Variants in PIGN observed in about 807,000 individuals in gnomAD.
The protein encoded by PIGN is GPI ethanolamine phosphate transferase 1.
A neutral mutation model predicts 125.4 loss-of-function variants in PIGN; 117 were observed. The observed-to-expected ratio is 0.93, with a 90% CI of 0.80 to 1.09. The LOEUF is 1.09. PIGN is among the 50% of genes least tolerant of loss of function. PIGN has a pLI of 0.00. For missense variants in PIGN, 1,075 were observed against 1,094.9 expected, an observed-to-expected ratio of 0.98 and a Z score of 0.26; for synonymous variants, 392 against 377.8, an observed-to-expected ratio of 1.04 and a Z score of -0.44.
In PIGN at chr18:62,154,543, A is replaced by T; in HGVS notation, c.549+2T>A. On this transcript the variant is annotated splice_donor_variant, in intron 7 of 30. Transcript: ENST00000640252. LOFTEE classifies it high-confidence loss of function. ...GTATATTAACCACTCAATAGCACAA[A>T]CCTTAACATTATCAAAAACCCACGT... is the stretch of plus-strand genomic sequence containing the variant. The T allele has an allele frequency of 7.2e-7, 1 of 1,397,506 alleles. No homozygotes were observed. Among genetic ancestry groups the T allele is most frequent in the Non-Finnish European group, 1.0e-6 (1 of 984,940 alleles). The allele number at this position is 1,397,506 out of a possible 1,614,324, so 86.6% of individuals were successfully genotyped here. A position where few individuals can be genotyped will look rare whatever the true frequency, so the allele number is the denominator to read the frequency against.
chr18:62,182,098 C>T (rs2037738101), intron 1 of PIGN, among the ~76,000 whole-genome samples: 1 of 152,164 alleles, frequency 6.6e-6, no homozygotes, highest in Non-Finnish European at 1.5e-5. Flanking sequence ...TCACCTACAC[C>T]TCTGACCAAT....
chr18:62,145,718 G>T (rs987347664), intron 10 of PIGN, among the ~76,000 whole-genome samples, 191 bp downstream of exon 10: 3 of 152,126 alleles, frequency 2.0e-5, no homozygotes, highest in Non-Finnish European at 4.4e-5. Flanking sequence ...TGCTGGGAAG[G>T]GTTCAACAAA....
chr18:62,053,691 T>A (rs1227774451), intron 30 of PIGN, among the ~76,000 whole-genome samples: 1 of 152,194 alleles, frequency 6.6e-6, no homozygotes, highest in Non-Finnish European at 1.5e-5. Context: ...TCTCAAAAAT[T>A]GATAGAACAA....
chr18:62,185,658 T>A (rs1280045602), intron 1 of PIGN, among the ~76,000 whole-genome samples: 2 of 28,792 alleles, frequency 6.9e-5, no homozygotes, highest in Non-Finnish European at 2.0e-4. Flanking sequence ...ATGTAATATG[T>A]CACTTACCTG....
chr18:62,133,317 T>C (rs907686629), intron 14 of PIGN, among the ~76,000 whole-genome samples: 3 of 152,190 alleles, frequency 2.0e-5, no homozygotes, highest in Non-Finnish European at 2.9e-5. Context: ...TATCTCTTTA[T>C]GTACTCACGA....
At position 62,157,516 on chromosome 18, in the gene PIGN, T is replaced by C. The variant is rs17715836; in HGVS notation, c.343+171A>G. ...AACACAGGATAATGAAATACTAAAG[T>C]TTCAATTCTGGAGTCAGTACCAGTG... On this transcript the variant is annotated intron_variant, in intron 5 of 30. Coordinates refer to ENST00000640252, the MANE Select transcript of PIGN (RefSeq NM_176787.5). Among the ~76,000 whole-genome samples the C allele has an allele frequency of 0.16, 25,011 of 152,164 alleles. 2,744 individuals carry two copies. Among genetic ancestry groups the C allele is most frequent in the Middle Eastern group, 0.29 (84 of 294 alleles).
chr18:62,054,834 C>T (rs73448666), intron 30 of PIGN, among the ~76,000 whole-genome samples: 250 of 152,012 alleles, frequency 1.6e-3, no homozygotes, highest in African/African-American at 4.7e-3. Context: ...AATAAATTCT[C>T]AAAACTCAAC....
chr18:62,089,460 G>A (rs1308989410), intron 24 of PIGN, among the ~76,000 whole-genome samples: 3 of 152,046 alleles, frequency 2.0e-5, no homozygotes, highest in African/African-American at 7.2e-5. Context: ...TTTCTAGTAA[G>A]TTCTTGGGAT....
At chr18:62,177,146 A>G (rs888075441) in intron 1 of PIGN, among the ~76,000 whole-genome samples, 2 of 152,128 alleles carry the variant, frequency 1.3e-5, no homozygotes, top group African/African-American at 4.8e-5. Flanking sequence ...AACCATATTA[A>G]AAAGCTTATG....
At chr18:62,147,603 T>C (rs2036380721) in intron 8 of PIGN, among the ~76,000 whole-genome samples, 1 of 152,228 alleles carries the variant, frequency 6.6e-6, no homozygotes, top group Non-Finnish European at 1.5e-5. Flanking sequence ...AAGAAGGGGA[T>C]TGTGAGGTAT....
At chr18:62,163,344 C>T (rs1481264531) in intron 2 of PIGN, among the ~76,000 whole-genome samples, 187 bp downstream of exon 2, 1 of 152,120 alleles carries the variant, frequency 6.6e-6, no homozygotes, top group African/African-American at 2.4e-5. Context: ...ACCTTTATTA[C>T]GTTATTTTCA....
chr18:62,177,343 A>G (rs1027982699), intron 1 of PIGN, among the ~76,000 whole-genome samples: 1 of 152,136 alleles, frequency 6.6e-6, no homozygotes, highest in African/African-American at 2.4e-5. Flanking sequence ...GCTAAGCTCC[A>G]GTATTTCTAT....
chr18:62,088,206 A>C (rs2033797267), intron 25 of PIGN, among the ~76,000 whole-genome samples: 1 of 152,198 alleles, frequency 6.6e-6, no homozygotes, highest in South Asian at 2.1e-4. Context: ...AAGGAAATAC[A>C]TCCCTATGAT....
intron 28 of PIGN, among the ~76,000 whole-genome samples, chr18:62,081,203 A>G (rs2033433420): frequency 6.6e-6 from 1 of 152,160 alleles, no homozygotes; most frequent in Admixed American, 6.5e-5. Flanking sequence ...GGCTTCCAAC[A>G]GTTGTAAGAA....
chr18:62,114,774 C>A, intron 14 of PIGN, 135 bp from the exon 15 acceptor site: 1 of 489,200 alleles, frequency 2.0e-6, no homozygotes, highest in Non-Finnish European at 3.6e-6. Flanking sequence ...AGAAAAAAAC[C>A]TGAATTGCTG....
chr18:62,169,829 C>T lies in PIGN; in HGVS notation c.-235-6173G>A, dbSNP rs2037288610. ...GAGATGGGGGGATCTCAGTATGTTG[C>T]CCAGGCTGGTCTCGAACTCCTGGGT... On this transcript the variant is annotated intron_variant, in intron 1 of 30. Transcript: ENST00000640252. Among the ~76,000 whole-genome samples, 3 of 151,574 alleles carry T rather than the reference C, an allele frequency of 2.0e-5. No homozygotes were observed. In the South Asian group the frequency reaches 6.3e-4, roughly 32 times the overall value.
intron 1 of PIGN, among the ~76,000 whole-genome samples, chr18:62,170,475 G>C (rs955649926): frequency 6.6e-6 from 1 of 152,210 alleles, no homozygotes; most frequent in Admixed American, 6.5e-5. Flanking sequence ...TGTTATGATT[G>C]TAATTGTTTT....
At chr18:62,084,718 C>A in intron 26 of PIGN, 112 bp from the exon 27 acceptor site, 1 of 744,022 alleles carries the variant, frequency 1.3e-6, no homozygotes. Context: ...TACTAAAACA[C>A]AAGCAAACAT....
At chr18:62,018,526 C>T (rs1463124610) in intron 23 of PIGN, among the ~76,000 whole-genome samples, 2 of 152,218 alleles carry the variant, frequency 1.3e-5, no homozygotes, top group East Asian at 1.9e-4. Context: ...ACTGTGCTAA[C>T]TTACCACCCA....
Sources: gnomAD v4.1 joint callset for allele counts (sites outside exome capture counted in the v4.1 genomes callset) on GRCh38, gnomAD v4.1.1 for gene constraint, MANE v1.5 for transcripts, NCBI Gene and HGNC (gene_info 2026-07-23, HGNC 2026-07-21) for gene names.